Variants in MYO7B observed in about 807,000 individuals in gnomAD.
The protein encoded by MYO7B is unconventional myosin-VIIb.
In MYO7B, 212 loss-of-function variants were observed where a neutral mutation model predicts 259.7. The observed-to-expected ratio is 0.82, with a 90% confidence interval of 0.73 to 0.91. The LOEUF is 0.91. Among genes scored for constraint, MYO7B ranks in the 40% least tolerant of loss-of-function variants. The probability of loss-of-function intolerance (pLI) is 0.00; values close to 1 mark genes in which losing one functional copy is unlikely to be tolerated. For missense variants in MYO7B, 2,732 were observed against 2,813.5 expected, an observed-to-expected ratio of 0.97 and a Z score of 0.66; for synonymous variants, 1,197 against 1,166.4, an observed-to-expected ratio of 1.03 and a Z score of -0.54.
In MYO7B at chr2:127,615,438, T is replaced by A. The variant is rs1680535201; in HGVS notation, c.3398+2835T>A. ...TCAGGGGAAGAAGAAAAGGGCTCCC[T>A]ACTCCTAGTGAGCAAAGACAGCCCC... On this transcript the variant is annotated intron_variant, in intron 26 of 47. Transcript: ENST00000409816. This position sits in a 1 kb window ranked among gnomAD's most constrained non-coding sequence, Gnocchi z 4.4. 6.6e-6 allele frequency among the ~76,000 whole-genome samples: 1 copy of A among 152,166 alleles called. No individual in the cohort carries two copies. The highest frequency in any genetic ancestry group is 1.5e-5 in the Non-Finnish European group (1 of 68,040).
chr2:127,582,278 A>G (rs757747459), intron 11 of MYO7B, 26 bp from the exon 12 acceptor site: 4 of 1,610,904 alleles, frequency 2.5e-6, no homozygotes, highest in Non-Finnish European at 3.4e-6. Context: ...CAAGCCCAGG[A>G]TTCTCCCACC....
rs555923902 is a variant in MYO7B, at chr2:127,543,947, G to A, written c.-24+8116G>A. On this transcript the variant is annotated intron_variant, in intron 1 of 47. Transcript: ENST00000409816. ...TTTTTAGTAGAGACAGGGTTTCACC[G>A]TGTTAGCCAGGATGGTCTGGATCTC... is the stretch of plus-strand genomic sequence containing the variant. Among the ~76,000 whole-genome samples the A allele has an allele frequency of 7.2e-5, 11 of 152,050 alleles. No individual in the cohort carries two copies. The East Asian group carries it at 1.5e-3, about 21-fold the overall frequency.
At chr2:127,541,110 A>T (rs184187021) in intron 1 of MYO7B, among the ~76,000 whole-genome samples, 1 of 149,542 alleles carries the variant, frequency 6.7e-6, no homozygotes, top group African/African-American at 2.5e-5. Context: ...CTGTCTCCAC[A>T]GTGAAGGGAG....
In MYO7B at chr2:127,628,567, G is replaced by C; in HGVS notation, c.4624+32G>C. 1 of 1,283,450 alleles carries C rather than the reference G, an allele frequency of 7.8e-7. No individual in the cohort carries two copies. Among genetic ancestry groups the C allele is most frequent in the Non-Finnish European group, 1.1e-6 (1 of 941,714 alleles). The allele number at this position is 1,283,450 out of a possible 1,614,324, so 79.5% of individuals were successfully genotyped here. The stretch of plus-strand genomic sequence containing the variant: ...GACTGGGTGGGGTGGGGTGGGGTGG[G>C]GTGGGGTGGGGGAGGGCCGCGCATG... On this transcript the variant is annotated intron_variant, in intron 34 of 47. Transcript: ENST00000409816. The surrounding 1 kb of genome is among the most constrained non-coding windows in gnomAD (Gnocchi z 4.8).
Position 127,605,851 on chromosome 2 carries a change from T to A in MYO7B, c.2347T>A (p.Phe783Ile). ...VLRGYRYRKEFLRQRRAAVTL... is the reference protein window; with the variant it reads ...VLRGYRYRKEILRQRRAAVTL... ...CTTGCATTGCCCTTCTAGGAAGGAG[T>A]TCCTGAGGCAGAGGCGGGCAGCTGT... The change falls in exon 20 of 48, where the codon TTC becomes ATC. Residue 783 changes from phenylalanine (F) to isoleucine (I), a missense_variant. Phe to Ile is a conservative substitution (Grantham distance 21). Transcript: ENST00000409816. 1.9e-6 allele frequency: 3 copies of A among 1,613,636 alleles called. No homozygotes were observed. The highest frequency in any genetic ancestry group is 2.5e-6 in the Non-Finnish European group (3 of 1,179,802).
In MYO7B at chr2:127,584,930, T is replaced by A; in HGVS notation, c.1690+17T>A. On this transcript the variant is annotated intron_variant, in intron 14 of 47. Coordinates refer to ENST00000409816, the MANE Select transcript of MYO7B (RefSeq NM_001393586.1). The surrounding 1 kb of genome is among the most constrained non-coding windows in gnomAD (Gnocchi z 5.8). ...AAGCAGAAGGTGGGTGCAGCTCTCCTCTCATGTCCCTTCCAAATCTGGACC... is the reference window on the plus strand; with the variant it reads ...AAGCAGAAGGTGGGTGCAGCTCTCCACTCATGTCCCTTCCAAATCTGGACC... 6.2e-7 allele frequency: 1 copy of A among 1,613,120 alleles called. No individual in the cohort carries two copies. Among genetic ancestry groups the A allele is most frequent in the Non-Finnish European group, 8.5e-7 (1 of 1,179,384 alleles).
chr2:127,606,935 T>C (rs1256255526), intron 20 of MYO7B, among the ~76,000 whole-genome samples: 1 of 152,182 alleles, frequency 6.6e-6, no homozygotes, highest in African/African-American at 2.4e-5. Context: ...ATTCTCTCCA[T>C]CCACGGCCCC....
chr2:127,596,473 C>T lies in MYO7B; in HGVS notation c.2256C>T (p.Asp752=). The change falls in exon 19 of 48, where the codon GAC becomes GAT. Residue 752 remains aspartate, a synonymous_variant. Transcript: ENST00000409816. The stretch of plus-strand genomic sequence containing the variant: ...CTCTCCTGTTCCAGGATCATCAGGA[C>T]ACTCTGCTGGAGGTACAGAGAAGCC... ...KTKIFLRDHQ[D]TLLEVQRSQV... The T allele has an allele frequency of 6.2e-7, 1 of 1,613,210 alleles. No individual in the cohort carries two copies. Among genetic ancestry groups the T allele is most frequent in the Non-Finnish European group, 8.5e-7 (1 of 1,179,478 alleles).
chr2:127,582,874 C>A (rs1363481067), intron 12 of MYO7B, among the ~76,000 whole-genome samples: 1 of 152,198 alleles, frequency 6.6e-6, no homozygotes, highest in African/African-American at 2.4e-5. Flanking sequence ...CTCCTCTGAC[C>A]GGGCATCCCA....
chr2:127,623,401 A>G, intron 29 of MYO7B, 26 bp downstream of exon 29: 1 of 1,535,652 alleles, frequency 6.5e-7, no homozygotes. Flanking sequence ...CCTGCCCGTC[A>G]GCCGCCTCCC....
At chr2:127,634,737 G>A (rs1573730273) in intron 42 of MYO7B, 54 bp downstream of exon 42, 7 of 1,471,730 alleles carry the variant, frequency 4.8e-6, no homozygotes, top group East Asian at 4.7e-5. Flanking sequence ...GGTCGAGGGG[G>A]CACTGGCGGC....
chr2:127,604,613 C>T (rs921047495), intron 19 of MYO7B, among the ~76,000 whole-genome samples: 2 of 152,192 alleles, frequency 1.3e-5, no homozygotes, highest in African/African-American at 4.8e-5. Flanking sequence ...GCCTTCCTCA[C>T]GAAGCTTAAT....
At position 127,582,441 on chromosome 2, in the gene MYO7B, C is replaced by A. The variant is rs532777565; in HGVS notation, c.1338C>A (p.Asn446Lys). The stretch of plus-strand genomic sequence containing the variant: ...TATTTGGCTTTGAAAATTTCGAGAA[C>A]AATAGGTATGAAGATCTCAGATCCC... ...LDIFGFENFE[N>K]NSFEQLCINF... Residue 446 changes from asparagine (N) to lysine (K), a missense_variant, in exon 12 of 48, where the codon AAC (asparagine) becomes AAA (lysine). By Grantham distance (94) the Asn-to-Lys change is moderately conservative. Around this residue, in one of 3 missense-constraint regions of MYO7B, gnomAD observed 1,906 missense variants for 2,026.4 expected, o/e 0.94. Transcript: ENST00000409816. 1.9e-5 allele frequency: 30 copies of A among 1,613,028 alleles called. No homozygotes were observed. In the African/African-American group the frequency reaches 3.1e-4, roughly 16 times the overall value.
rs528333145 is a variant in MYO7B, at chr2:127,583,367, G to A, written c.1344-755G>A. On this transcript the variant is annotated intron_variant, in intron 12 of 47. Transcript: ENST00000409816. ...TCTCAGCCCTCCCAGGGCCAGCCGGGGGTGCAGGGCAGGTGCCTGCTCACT... is the reference window on the plus strand; with the variant it reads ...TCTCAGCCCTCCCAGGGCCAGCCGGAGGTGCAGGGCAGGTGCCTGCTCACT... Among the ~76,000 whole-genome samples the A allele has an allele frequency of 7.2e-5, 11 of 152,374 alleles. No individual in the cohort carries two copies. In the East Asian group the frequency reaches 2.1e-3, roughly 29 times the overall value.
At chr2:127,550,618 A>C (rs187385551) in intron 1 of MYO7B, among the ~76,000 whole-genome samples, 44 of 150,550 alleles carry the variant, frequency 2.9e-4, no homozygotes, top group African/African-American at 9.0e-4. Context: ...AGGGAAAGTC[A>C]GGAAAGTGGA....
At chr2:127,631,525 GGTCGGGGTCAGCGTCTATCCCCA>G in intron 37 of MYO7B, 52 bp from the exon 38 acceptor site, 2 of 1,557,700 alleles carry the variant, frequency 1.3e-6, no homozygotes, top group Non-Finnish European at 8.7e-7. Context: ...GCAGGGCCGG[GGTCGGGGTCAGCGTCTATCCCCA>G]GTCTGTGTCA....
chr2:127,567,517 G>A (rs895363916), intron 5 of MYO7B, among the ~76,000 whole-genome samples: 4 of 152,200 alleles, frequency 2.6e-5, no homozygotes, highest in South Asian at 2.1e-4. Flanking sequence ...GGTGTGGCAG[G>A]CTGGCCACGG....
At chr2:127,555,083 G>A (rs1341273481) in intron 1 of MYO7B, among the ~76,000 whole-genome samples, 1 of 152,046 alleles carries the variant, frequency 6.6e-6, no homozygotes, top group African/African-American at 2.4e-5. Flanking sequence ...AAGTAGCTGG[G>A]ATTACAGGTG....
chr2:127,573,846 C>G, intron 6 of MYO7B, 74 bp from the exon 7 acceptor site: 1 of 1,584,168 alleles, frequency 6.3e-7, no homozygotes, highest in South Asian at 1.1e-5. Context: ...CTGAGAAGCC[C>G]TCTTACATGA....
Sources: gnomAD v4.1 joint callset for allele counts (sites outside exome capture counted in the v4.1 genomes callset) on GRCh38, gnomAD v4.1.1 for gene constraint, gnomAD v4.1.1 regional missense constraint, Gnocchi (gnomAD v3.1) non-coding constraint, MANE v1.5 for transcripts, NCBI Gene and HGNC (gene_info 2026-07-23, HGNC 2026-07-21) for gene names.